The following CYP3A43 variants were observed in gnomAD, a reference collection of about 807,000 sequenced individuals.
The protein encoded by CYP3A43 is cytochrome P450 family 3 subfamily A member 43, also known as cytochrome P450 3A43.
A neutral mutation model predicts 58.0 loss-of-function variants in CYP3A43; 45 were observed. The ratio of observed to expected loss-of-function variants is 0.78; its 90% CI spans 0.61 to 0.99. The LOEUF is 0.99. CYP3A43 is among the 50% of genes least tolerant of loss of function. CYP3A43 has a pLI of 0.00. For missense variants in CYP3A43, 593 were observed against 591.9 expected, an observed-to-expected ratio of 1.00 and a Z score of -0.02; for synonymous variants, 191 against 201.4, an observed-to-expected ratio of 0.95 and a Z score of 0.44.
At chr7:99,832,997 C>G (rs917550358) in intron 1 of CYP3A43, among the ~76,000 whole-genome samples, 2 of 152,146 alleles carry the variant, frequency 1.3e-5, no homozygotes, top group Admixed American at 1.3e-4. Flanking sequence ...AATAGACATA[C>G]GTGAATGAAA....
Position 99,836,471 on chromosome 7 carries a change from T to A in CYP3A43, c.90T>A (p.His30Gln), listed in dbSNP as rs1817082857. The A allele has an allele frequency of 1.9e-6, 3 of 1,610,066 alleles. No individual in the cohort carries two copies. Among genetic ancestry groups the A allele is most frequent in the African/African-American group, 2.7e-5 (2 of 74,624 alleles). Residue 30 changes from histidine to glutamine, a missense_variant, in exon 2 of 13, where the codon CAT (histidine) becomes CAA (glutamine). By Grantham distance (24) the His-to-Gln change is conservative. Transcript: ENST00000354829. ...VLLYIYGTHS[H>Q]KLFKKLGIPG... is the part of the protein sequence containing the mutation. ...TTTATAGTTATGGGACCCATTCACA[T>A]AAACTTTTTAAGAAGCTGGGAATTC...
intron 4 of CYP3A43, among the ~76,000 whole-genome samples, chr7:99,845,301 C>T (rs1217906262): frequency 6.6e-6 from 1 of 151,832 alleles, no homozygotes; most frequent in Non-Finnish European, 1.5e-5. Flanking sequence ...GATTTCTGTG[C>T]ATCTCTTTTT....
intron 1 of CYP3A43, among the ~76,000 whole-genome samples, chr7:99,829,097 C>T (rs1473273775): frequency 6.6e-6 from 1 of 152,150 alleles, no homozygotes; most frequent in African/African-American, 2.4e-5. Flanking sequence ...TCATTCAGTC[C>T]TTATTTTAGT....
intron 4 of CYP3A43, among the ~76,000 whole-genome samples, chr7:99,846,306 G>A (rs770899023): frequency 6.6e-5 from 10 of 151,982 alleles, no homozygotes; most frequent in East Asian, 1.9e-4. Flanking sequence ...GATCCTGTAC[G>A]TGTTTTGTTA....
intron 1 of CYP3A43, among the ~76,000 whole-genome samples, chr7:99,832,136 AG>A (rs1816867402): frequency 6.6e-6 from 1 of 152,126 alleles, no homozygotes; most frequent in Non-Finnish European, 1.5e-5. Context: ...GGGAAGGAAA[AG>A]CATAAACACC....
At position 99,836,477 on chromosome 7, in the gene CYP3A43, T is replaced by A. The variant is rs754661126; in HGVS notation, c.96T>A (p.Leu32=). The change falls in exon 2 of 13, where the codon CTT becomes CTA. Residue 32 remains leucine, a synonymous_variant. Transcript: ENST00000354829. ...LYIYGTHSHK[L]FKKLGIPGPT... ...GTTATGGGACCCATTCACATAAACTTTTTAAGAAGCTGGGAATTCCTGGGC... is the reference window on the plus strand; with the variant it reads ...GTTATGGGACCCATTCACATAAACTATTTAAGAAGCTGGGAATTCCTGGGC... 30 of 1,610,946 alleles carry A rather than the reference T, an allele frequency of 1.9e-5. No individual in the cohort carries two copies. Among genetic ancestry groups the A allele is most frequent in the Admixed American group, 8.4e-5 (5 of 59,308 alleles).
chr7:99,848,059 C>T, intron 5 of CYP3A43, 107 bp from the exon 6 acceptor site: 1 of 1,083,782 alleles, frequency 9.2e-7, no homozygotes, highest in Non-Finnish European at 1.4e-6. Flanking sequence ...TCCTAGAGGA[C>T]ATGGTGAGTC....
rs145446420 is a variant in CYP3A43, at chr7:99,833,801, G to A, written c.72-2652G>A. On this transcript the variant is annotated intron_variant, in intron 1 of 12. Coordinates refer to ENST00000354829, the MANE Select transcript of CYP3A43 (RefSeq NM_057095.3). Reference sequence around the variant, plus strand: ...GTTAATGCCACAACTGTGCGGTAGCGTGTCAGGCTACTATTGCCTCTATAG... The same window carrying A: ...GTTAATGCCACAACTGTGCGGTAGCATGTCAGGCTACTATTGCCTCTATAG... Among the ~76,000 whole-genome samples, 12 of 152,294 alleles carry A rather than the reference G, an allele frequency of 7.9e-5. No individual in the cohort carries two copies. The East Asian group carries it at 2.3e-3, about 29-fold the overall frequency.
At chr7:99,856,962 A>T in intron 9 of CYP3A43, 63 bp downstream of exon 9, 2 of 1,532,586 alleles carry the variant, frequency 1.3e-6, no homozygotes, top group Middle Eastern at 3.5e-4. Flanking sequence ...CCCTGTTCTG[A>T]AAATGTGCAG....
intron 1 of CYP3A43, among the ~76,000 whole-genome samples, chr7:99,829,544 C>T (rs994830401): frequency 2.6e-5 from 4 of 152,172 alleles, no homozygotes; most frequent in Non-Finnish European, 4.4e-5. Flanking sequence ...TCTTTCAGAT[C>T]TGGCCCTAAG....
At chr7:99,854,198 C>G (rs1189470774) in intron 7 of CYP3A43, among the ~76,000 whole-genome samples, 2 of 151,718 alleles carry the variant, frequency 1.3e-5, no homozygotes, top group Non-Finnish European at 2.9e-5. Flanking sequence ...TCCTTCTACT[C>G]TCTATGTCCA....
At chr7:99,828,883 A>G (rs1216116417) in intron 1 of CYP3A43, among the ~76,000 whole-genome samples, 1 of 152,204 alleles carries the variant, frequency 6.6e-6, no homozygotes, top group Non-Finnish European at 1.5e-5. Flanking sequence ...CTCATCAATC[A>G]GAAAACTAAT....
chr7:99,850,019 C>A (rs755833018), intron 7 of CYP3A43: 4 of 437,874 alleles, frequency 9.1e-6, no homozygotes, highest in African/African-American at 7.5e-5. Context: ...GTGCATGGTG[C>A]GATCTGGGCT....
intron 11 of CYP3A43, among the ~76,000 whole-genome samples, chr7:99,863,026 T>C (rs1232316369): frequency 6.6e-6 from 1 of 152,066 alleles, no homozygotes; most frequent in African/African-American, 2.4e-5. Context: ...ATCCATATAC[T>C]AAAAAAAGTC....
At chr7:99,848,019 A>AT (rs1817603450) in intron 5 of CYP3A43, 147 bp from the exon 6 acceptor site, 2 of 767,708 alleles carry the variant, frequency 2.6e-6, no homozygotes, top group Non-Finnish European at 2.1e-6. Flanking sequence ...CTCAAAAAAA[A>AT]GGGGCAGGGG....
At chr7:99,862,671 A>C in intron 11 of CYP3A43, among the ~76,000 whole-genome samples, 1 of 152,156 alleles carries the variant, frequency 6.6e-6, no homozygotes, top group East Asian at 1.9e-4. Context: ...TTTGGAATGA[A>C]CTTTGTAGGG....
intron 7 of CYP3A43, 56 bp downstream of exon 7, chr7:99,849,750 A>T (rs1175458866): frequency 2.0e-6 from 3 of 1,480,800 alleles, no homozygotes; most frequent in Non-Finnish European, 2.7e-6. Flanking sequence ...TAATTTTTAA[A>T]AACAGTTTTA....
Position 99,863,597 on chromosome 7 carries a change from AC to A in CYP3A43, c.1318del (p.Arg440GlufsTer6), listed in dbSNP as rs1315826472. ...LYRYIPFGAGPRNCIGMRFAL... is the reference protein window; with the variant it reads ...LYRYIPFGAGXRNCIGMRFAL... ...ACAGATACATACCTTTTGGAGCTGG[AC>A]CCCGAAACTGCATTGGCATGAGGTT... On this transcript the variant is annotated frameshift_variant, in exon 12 of 13. Coordinates refer to ENST00000354829, the MANE Select transcript of CYP3A43 (RefSeq NM_057095.3). LOFTEE classifies it high-confidence loss of function. 1.2e-6 allele frequency: 2 copies of A among 1,613,978 alleles called. No individual in the cohort carries two copies. Among genetic ancestry groups the A allele is most frequent in the African/African-American group, 2.7e-5 (2 of 74,920 alleles).
chr7:99,839,491 G>C (rs1817244771), intron 3 of CYP3A43: 1 of 537,504 alleles, frequency 1.9e-6, no homozygotes, highest in Non-Finnish European at 3.5e-6. Context: ...TTTTTCCCCA[G>C]ACAGATAGCT....
Sources: allele counts gnomAD v4.1 joint callset (sites outside exome capture counted in the v4.1 genomes callset), GRCh38; gene constraint gnomAD v4.1.1; transcripts MANE v1.5; gene names NCBI Gene and HGNC (gene_info 2026-07-23, HGNC 2026-07-21).